Variants in FAM210A observed in about 807,000 individuals in gnomAD.
FAM210A encodes the protein family with sequence similarity 210 member A.
FAM210A carries 13 observed loss-of-function variants against 25.3 expected under a neutral mutation model. The observed-to-expected ratio is 0.51, with a 90% CI of 0.33 to 0.82. The LOEUF is 0.82. Among genes scored for constraint, FAM210A ranks in the 40% least tolerant of loss-of-function variants. The pLI, the probability that FAM210A is intolerant of heterozygous loss-of-function variation, is 0.02. For synonymous variants in FAM210A, 125 were observed against 118.7 expected (o/e 1.05, Z -0.35); for missense variants, 319 against 323.2 (o/e 0.99, Z 0.10).
intron 3 of FAM210A, among the ~76,000 whole-genome samples, chr18:13,668,284 C>A (rs922807988): frequency 6.6e-6 from 1 of 152,220 alleles, no homozygotes; most frequent in Non-Finnish European, 1.5e-5. Context: ...ACAGCTTTCA[C>A]CTTCCCTTCA....
At chr18:13,716,056 A>G (rs1335572881) in intron 1 of FAM210A, among the ~76,000 whole-genome samples, 1 of 152,234 alleles carries the variant, frequency 6.6e-6, no homozygotes, top group African/African-American at 2.4e-5. Flanking sequence ...GTGTGACTTA[A>G]GTACTAATTT....
Position 13,665,381 on chromosome 18 carries a change from C to CAAAAAAAAAAAAAAAAATAAAA in FAM210A, c.*1098_*1099insTTTTATTTTTTTTTTTTTTTTT, listed in dbSNP as rs2043391504. ...GGAGAGAGAGAGGGAGGCTCCGTCT[C>CAAAAAAAAAAAAAAAAATAAAA]AAAAAAAAAAAAAAAAAAAAAAAAA... On this transcript the variant is annotated 3_prime_UTR_variant, in exon 4 of 4. Coordinates refer to ENST00000651643, the MANE Select transcript of FAM210A (RefSeq NM_152352.4). 1.6e-5 allele frequency: 1 copy of CAAAAAAAAAAAAAAAAATAAAA among 63,704 alleles called. No individual in the cohort carries two copies. The highest frequency in any genetic ancestry group is 3.2e-5 in the Non-Finnish European group (1 of 31,302). The allele number at this position is 63,704 out of a possible 1,614,324, so 3.9% of individuals were successfully genotyped here.
rs192581216 is a variant in FAM210A, at chr18:13,714,007, T to C, written c.-29+12322A>G. On this transcript the variant is annotated intron_variant, in intron 1 of 3. Transcript: ENST00000651643. ...GGGTACGAACCAGGGGATTTTCTTC[T>C]ATATCTTCAGAGTACCTAAAATCTA... 1.4e-4 allele frequency among the ~76,000 whole-genome samples: 21 copies of C among 152,326 alleles called. No homozygotes were observed. The East Asian group carries it at 3.7e-3, about 27-fold the overall frequency.
At chr18:13,686,979 A>G (rs893470975) in intron 1 of FAM210A, among the ~76,000 whole-genome samples, 1 of 152,204 alleles carries the variant, frequency 6.6e-6, no homozygotes, top group African/African-American at 2.4e-5. Context: ...ACAGACTAAT[A>G]CTTCTTATCA....
intron 1 of FAM210A, among the ~76,000 whole-genome samples, chr18:13,722,626 A>T (rs190888194): frequency 1.3e-5 from 2 of 152,208 alleles, no homozygotes; most frequent in African/African-American, 4.8e-5. Context: ...CTTCCCAATC[A>T]ATGCCCTCAT....
At chr18:13,678,537 G>A (rs2043523862) in intron 2 of FAM210A, among the ~76,000 whole-genome samples, 2 of 152,168 alleles carry the variant, frequency 1.3e-5, no homozygotes, top group Admixed American at 6.5e-5. Flanking sequence ...CGATCCGCCT[G>A]CCTCAGCCTC....
chr18:13,683,251 G>C (rs947099699), intron 1 of FAM210A, among the ~76,000 whole-genome samples: 7 of 152,098 alleles, frequency 4.6e-5, no homozygotes, highest in Admixed American at 3.9e-4. Context: ...TAATGCCTTC[G>C]GACTAAGTTA....
chr18:13,678,982 AC>A (rs1336982922), intron 2 of FAM210A, among the ~76,000 whole-genome samples: 1 of 152,232 alleles, frequency 6.6e-6, no homozygotes, highest in African/African-American at 2.4e-5. Context: ...GACATAAGAC[AC>A]CAGATCTCTG....
intron 1 of FAM210A, among the ~76,000 whole-genome samples, chr18:13,691,108 T>C (rs549924756): frequency 2.9e-4 from 44 of 152,186 alleles, no homozygotes; most frequent in Non-Finnish European, 5.6e-4. Context: ...ACGTGACGTG[T>C]GCAAAAGCTT....
intron 1 of FAM210A, among the ~76,000 whole-genome samples, chr18:13,709,280 G>A (rs1483061539): frequency 6.6e-6 from 1 of 152,120 alleles, no homozygotes; most frequent in Non-Finnish European, 1.5e-5. Flanking sequence ...TAAGTAATCT[G>A]TACCCCCTCC....
At chr18:13,677,021 C>T (rs138616669) in intron 2 of FAM210A, among the ~76,000 whole-genome samples, 50 of 151,724 alleles carry the variant, frequency 3.3e-4, no homozygotes, top group African/African-American at 1.2e-3. Flanking sequence ...CGGCAAGACT[C>T]ATGTCTCAAA....
chr18:13,679,186 C>G (rs2043528625), intron 2 of FAM210A, among the ~76,000 whole-genome samples: 1 of 152,168 alleles, frequency 6.6e-6, no homozygotes, highest in Non-Finnish European at 1.5e-5. Flanking sequence ...TCAGGGTAAC[C>G]AAGACAAACA....
intron 1 of FAM210A, among the ~76,000 whole-genome samples, chr18:13,717,177 C>T (rs562763565): frequency 1.2e-3 from 180 of 152,322 alleles, no homozygotes; most frequent in Admixed American, 3.3e-3. Flanking sequence ...CCCTTTCTTA[C>T]ATTATATGTT....
At chr18:13,716,841 T>C (rs2149070736) in intron 1 of FAM210A, among the ~76,000 whole-genome samples, 1 of 152,324 alleles carries the variant, frequency 6.6e-6, no homozygotes, top group Middle Eastern at 3.4e-3. Context: ...CATGCTGAAC[T>C]GTGAGTCAAT....
chr18:13,725,782 T>C (rs778506195), intron 1 of FAM210A, among the ~76,000 whole-genome samples: 1 of 152,154 alleles, frequency 6.6e-6, no homozygotes, highest in Non-Finnish European at 1.5e-5. Context: ...AAAAGTGTGT[T>C]GTCTCCCCCA....
chr18:13,677,762 C>T (rs2043517456), intron 2 of FAM210A, among the ~76,000 whole-genome samples: 1 of 151,992 alleles, frequency 6.6e-6, no homozygotes, highest in Non-Finnish European at 1.5e-5. Context: ...CGGTAGACCT[C>T]CACTGTAAAA....
chr18:13,683,295 G>A (rs1047517519), intron 1 of FAM210A, among the ~76,000 whole-genome samples: 4 of 152,180 alleles, frequency 2.6e-5, no homozygotes, highest in African/African-American at 9.7e-5. Context: ...ATTGAATGGC[G>A]AGAAGAATTG....
chr18:13,675,603 T>C (rs58548053), intron 2 of FAM210A, among the ~76,000 whole-genome samples: 5 of 98,576 alleles, frequency 5.1e-5, no homozygotes, highest in Admixed American at 2.3e-4. Flanking sequence ...TATTAACATT[T>C]CTGAGCCCTG....
At chr18:13,697,250 C>CT (rs749317058) in intron 1 of FAM210A, among the ~76,000 whole-genome samples, 2,705 of 152,102 alleles carry the variant, frequency 0.018, 29 homozygotes, top group Middle Eastern at 0.061. Flanking sequence ...AAGAAAACAA[C>CT]CCATTTACAA....
Sources: allele counts gnomAD v4.1 joint callset (sites outside exome capture counted in the v4.1 genomes callset), GRCh38; gene constraint gnomAD v4.1.1; transcripts MANE v1.5; gene names NCBI Gene and HGNC (gene_info 2026-07-23, HGNC 2026-07-21).